SLC24A2: variants seen among roughly 807,000 people sequenced by gnomAD.
SLC24A2 encodes solute carrier family 24 member 2.
A neutral mutation model predicts 62.0 loss-of-function variants in SLC24A2; 36 were observed. That is an observed-to-expected ratio of 0.58 (90% CI 0.44 to 0.77). The LOEUF (loss-of-function observed/expected upper bound fraction) is 0.77. Among genes scored for constraint, SLC24A2 ranks in the 30% least tolerant of loss-of-function variants. The probability of loss-of-function intolerance (pLI) is 0.00; values close to 1 mark genes in which losing one functional copy is unlikely to be tolerated. For synonymous variants in SLC24A2, 358 were observed against 294.0 expected (o/e 1.22, Z -2.23); for missense variants, 846 against 817.9 (o/e 1.03, Z -0.42).
chr9:20,185,861 G>C, the SLC24A2 span, among the ~76,000 whole-genome samples: 1 of 151,934 alleles, frequency 6.6e-6, no homozygotes, highest in Non-Finnish European at 1.5e-5. Flanking sequence ...AAGCTTAATT[G>C]GAAAAGCAGA....
At chr9:19,851,027 A>ATATATT in the SLC24A2 span, among the ~76,000 whole-genome samples, 1 of 55,292 alleles carries the variant, frequency 1.8e-5, no homozygotes, top group African/African-American at 7.7e-5. Flanking sequence ...ATATATACAT[A>ATATATT]TTTTTTTTTT....
upstream of SLC24A2, among the ~76,000 whole-genome samples, chr9:19,792,492 A>G (rs1823330015): frequency 1.4e-5 from 2 of 147,066 alleles, no homozygotes; most frequent in Admixed American, 7.0e-5. Context: ...GGAGTTTGAG[A>G]CCAACCTGGC....
At chr9:19,873,552 T>TTCTTTCTTTCTTTCTC in the SLC24A2 span, among the ~76,000 whole-genome samples, 309 of 149,578 alleles carry the variant, frequency 2.1e-3, 2 homozygotes, top group African/African-American at 7.1e-3. Context: ...CTTTCTTTCT[T>TTCTTTCTTTCTTTCTC]TCTCTCTCTC....
chr9:19,551,584 C>G (rs1002898019), intron 7 of SLC24A2, among the ~76,000 whole-genome samples: 4 of 152,190 alleles, frequency 2.6e-5, no homozygotes, highest in Non-Finnish European at 5.9e-5. Flanking sequence ...TCCACTGATG[C>G]TTCCTTTTGA....
chr9:20,263,535 C>T, the SLC24A2 span, among the ~76,000 whole-genome samples: 3 of 152,142 alleles, frequency 2.0e-5, no homozygotes, highest in African/African-American at 4.8e-5. Flanking sequence ...CAGGCAGGAA[C>T]CACTGCATCC....
rs796214515 is a variant in SLC24A2, at chr9:19,611,477, G to A, written c.1078+8107C>T. On this transcript the variant is annotated intron_variant, in intron 4 of 10. Transcript: ENST00000341998. The stretch of plus-strand genomic sequence containing the variant: ...AGAGGATAGGAGGAAGAGAGGAGGC[G>A]GGAGGGGAAAGGCGGAAGGAGGTAG... Among the ~76,000 whole-genome samples the A allele has an allele frequency of 3.2e-4, 49 of 151,694 alleles. 1 individual carries two copies. The highest frequency in any genetic ancestry group is 1.1e-3 in the African/African-American group (45 of 41,410).
the SLC24A2 span, among the ~76,000 whole-genome samples, chr9:20,224,125 A>G: frequency 6.6e-6 from 1 of 152,076 alleles, no homozygotes; most frequent in African/African-American, 2.4e-5. Context: ...ACACATGGGG[A>G]TTACAATTCA....
intron 2 of SLC24A2, among the ~76,000 whole-genome samples, chr9:19,683,536 C>CTT (rs74320355): frequency 1.7e-4 from 25 of 143,160 alleles, no homozygotes; most frequent in Non-Finnish European, 2.9e-4. Context: ...GTGCTCTGAA[C>CTT]TTTTTTTTTT....
the SLC24A2 span, among the ~76,000 whole-genome samples, chr9:20,246,949 C>A: frequency 3.3e-5 from 5 of 152,200 alleles, no homozygotes; most frequent in African/African-American, 1.2e-4. Flanking sequence ...GGAGATAGCA[C>A]CAGGATCCCT....
At chr9:20,056,978 G>T in the SLC24A2 span, among the ~76,000 whole-genome samples, 1 of 152,168 alleles carries the variant, frequency 6.6e-6, no homozygotes, top group Non-Finnish European at 1.5e-5. Flanking sequence ...GTAATACTGG[G>T]AGAAATTCTG....
chr9:19,780,160 T>TG (rs1441096564), intron 2 of SLC24A2, among the ~76,000 whole-genome samples: 1 of 152,226 alleles, frequency 6.6e-6, no homozygotes, highest in Non-Finnish European at 1.5e-5. Context: ...ATGGGTGAAG[T>TG]GGTGACTGAG....
At chr9:19,754,827 C>G (rs572711422) in intron 2 of SLC24A2, among the ~76,000 whole-genome samples, 1 of 152,182 alleles carries the variant, frequency 6.6e-6, no homozygotes, top group South Asian at 2.1e-4. Flanking sequence ...GCTCGACAGG[C>G]AGAAGCAGCT....
chr9:19,757,033 C>CA (rs1822164281), intron 2 of SLC24A2, among the ~76,000 whole-genome samples: 1 of 150,164 alleles, frequency 6.7e-6, no homozygotes, highest in Admixed American at 6.7e-5. Flanking sequence ...ACTCAGCCTC[C>CA]AAAAGCATTA....
chr9:20,103,031 C>T, the SLC24A2 span, among the ~76,000 whole-genome samples: 1 of 152,196 alleles, frequency 6.6e-6, no homozygotes, highest in South Asian at 2.1e-4. Flanking sequence ...AAAAACGGTG[C>T]ACCAGGAGAT....
chr9:19,781,534 A>T (rs930781145), intron 2 of SLC24A2, among the ~76,000 whole-genome samples: 1 of 152,180 alleles, frequency 6.6e-6, no homozygotes, highest in African/African-American at 2.4e-5. Flanking sequence ...TGGGTCTCTC[A>T]AAATGCCTAG....
At chr9:19,768,084 A>C (rs1822575683) in intron 2 of SLC24A2, among the ~76,000 whole-genome samples, 1 of 152,134 alleles carries the variant, frequency 6.6e-6, no homozygotes, top group Non-Finnish European at 1.5e-5. Flanking sequence ...CCATGGGTAA[A>C]TTAATTGATT....
chr9:20,267,633 C>T, the SLC24A2 span, among the ~76,000 whole-genome samples: 4 of 152,212 alleles, frequency 2.6e-5, no homozygotes, highest in Non-Finnish European at 5.9e-5. Flanking sequence ...TTTGAGTGCA[C>T]ATTCCCCAAG....
the SLC24A2 span, among the ~76,000 whole-genome samples, chr9:19,885,899 C>A: frequency 6.6e-6 from 1 of 152,080 alleles, no homozygotes; most frequent in Non-Finnish European, 1.5e-5. Context: ...GTCCTGCAGC[C>A]CATCCATGTT....
chr9:19,980,152 A>G, the SLC24A2 span, among the ~76,000 whole-genome samples: 1 of 152,230 alleles, frequency 6.6e-6, no homozygotes, highest in African/African-American at 2.4e-5. Context: ...GAAGAGTTAC[A>G]TGGTGGAAAA....
Sources: allele counts gnomAD v4.1 joint callset (sites outside exome capture counted in the v4.1 genomes callset), GRCh38; gene constraint gnomAD v4.1.1; transcripts MANE v1.5; gene names NCBI Gene and HGNC (gene_info 2026-07-23, HGNC 2026-07-21).